Variants in AGBL4 observed in about 807,000 individuals in gnomAD.
The protein encoded by AGBL4 is AGBL carboxypeptidase 4, also known as cytosolic carboxypeptidase 6.
In AGBL4, 58 loss-of-function variants were observed where a neutral mutation model predicts 66.4. That is an observed-to-expected ratio of 0.87 (90% CI 0.71 to 1.09). The LOEUF (loss-of-function observed/expected upper bound fraction) is 1.09. Among genes scored for constraint, AGBL4 ranks in the 50% least tolerant of loss-of-function variants. AGBL4 has a pLI of 0.00. For synonymous variants in AGBL4, 234 were observed against 222.9 expected (o/e 1.05, Z -0.44); for missense variants, 579 against 631.0 (o/e 0.92, Z 0.88).
At chr1:49,361,233 A>C (rs879369889) in intron 3 of AGBL4, among the ~76,000 whole-genome samples, 16 of 152,204 alleles carry the variant, frequency 1.1e-4, no homozygotes, top group Non-Finnish European at 2.2e-4. Flanking sequence ...AAAAGCTTTT[A>C]ATTTTCAAAG....
intron 1 of AGBL4, chr1:49,996,142 T>C (rs923676075): frequency 2.6e-5 from 4 of 152,030 alleles, no homozygotes; most frequent in African/African-American, 7.2e-5. Context: ...TCTGGTAATA[T>C]GACAAAACAA....
At chr1:49,070,870 T>A (rs970936015) in intron 4 of AGBL4, among the ~76,000 whole-genome samples, 2 of 152,000 alleles carry the variant, frequency 1.3e-5, no homozygotes, top group Non-Finnish European at 2.9e-5. Flanking sequence ...AATCTGTCTG[T>A]CCTGGACTTT....
At chr1:49,684,172 T>G (rs767463215) in intron 3 of AGBL4, among the ~76,000 whole-genome samples, 3 of 152,132 alleles carry the variant, frequency 2.0e-5, no homozygotes, top group Non-Finnish European at 4.4e-5. Context: ...CTTTTCCTCT[T>G]GATTTTATTG....
chr1:49,197,942 G>A (rs1370194143), intron 4 of AGBL4, among the ~76,000 whole-genome samples: 1 of 152,278 alleles, frequency 6.6e-6, no homozygotes, highest in Non-Finnish European at 1.5e-5. Context: ...TGCTGCTGCT[G>A]CTAGGTCATA....
intron 3 of AGBL4, among the ~76,000 whole-genome samples, chr1:49,570,127 A>T (rs1190105783): frequency 1.3e-5 from 2 of 151,960 alleles, no homozygotes; most frequent in Non-Finnish European, 2.9e-5. Context: ...TGGTAGTTCT[A>T]TTTTTAGTTC....
intron 4 of AGBL4, among the ~76,000 whole-genome samples, chr1:49,056,405 A>G (rs530967611): frequency 6.6e-6 from 1 of 152,278 alleles, no homozygotes; most frequent in South Asian, 2.1e-4. Context: ...TAACATAGGG[A>G]CTTTTAAAAT....
At position 48,987,041 on chromosome 1, in the gene AGBL4, G is replaced by T. The variant is rs1660230746; in HGVS notation, c.594+58543C>A. On this transcript the variant is annotated intron_variant, in intron 5 of 13. Transcript: ENST00000371839. Reference sequence around the variant, plus strand: ...GCTAGTATCTAATAAACCAACAAAGGAAATAAAATGAAACCGTAAACATAT... The same window carrying T: ...GCTAGTATCTAATAAACCAACAAAGTAAATAAAATGAAACCGTAAACATAT... Among the ~76,000 whole-genome samples, 3 of 151,070 alleles carry T rather than the reference G, an allele frequency of 2.0e-5. No homozygotes were observed. The South Asian group carries it at 6.3e-4, about 32-fold the overall frequency.
chr1:49,590,175 G>A (rs554037864), intron 3 of AGBL4, among the ~76,000 whole-genome samples: 5 of 152,076 alleles, frequency 3.3e-5, no homozygotes, highest in South Asian at 2.1e-4. Context: ...TGATCAAGAC[G>A]TTGACTACAG....
At chr1:49,189,605 T>G (rs1012202581) in intron 4 of AGBL4, among the ~76,000 whole-genome samples, 1 of 152,168 alleles carries the variant, frequency 6.6e-6, no homozygotes, top group Admixed American at 6.5e-5. Context: ...TTTATCCTAT[T>G]TGGTCATCAG....
intron 3 of AGBL4, among the ~76,000 whole-genome samples, chr1:49,567,734 A>T (rs916708710): frequency 5.9e-5 from 9 of 152,150 alleles, no homozygotes; most frequent in Non-Finnish European, 1.2e-4. Flanking sequence ...TCATTCTATG[A>T]GGCCAGCATC....
At chr1:49,859,642 T>C (rs1469345468) in intron 1 of AGBL4, among the ~76,000 whole-genome samples, 1 of 152,128 alleles carries the variant, frequency 6.6e-6, no homozygotes, top group African/African-American at 2.4e-5. Context: ...ATGTATTTTT[T>C]AATATACTTA....
chr1:48,710,929 C>CAAAAAAAAAAAA (rs1557895437), intron 6 of AGBL4, among the ~76,000 whole-genome samples: 1 of 152,170 alleles, frequency 6.6e-6, no homozygotes, highest in African/African-American at 2.4e-5. Context: ...AGATCCAGCT[C>CAAAAAAAAAAAA]AGACATTACC....
chr1:49,207,459 TCTTTCTTTC>T (rs1175650437), intron 4 of AGBL4, among the ~76,000 whole-genome samples: 1 of 2,658 alleles, frequency 3.8e-4, no homozygotes, highest in Non-Finnish European at 1.3e-3. Context: ...TCTTTCTTTT[TCTTTCTTTC>T]TCTTTCTTTC....
intron 3 of AGBL4, among the ~76,000 whole-genome samples, chr1:49,399,928 GTCCTGGAGAGTTT>G (rs1645048428): frequency 6.6e-6 from 1 of 152,022 alleles, no homozygotes; most frequent in African/African-American, 2.4e-5. Flanking sequence ...CCAGTCCAAT[GTCCTGGAGAGTTT>G]ACCCGATTTT....
chr1:49,409,343 T>G (rs149400043), intron 3 of AGBL4, among the ~76,000 whole-genome samples: 27 of 152,242 alleles, frequency 1.8e-4, no homozygotes, highest in African/African-American at 5.3e-4. Flanking sequence ...AAGAAATTAA[T>G]CAGAAAGTGA....
chr1:49,976,925 C>A (rs1019394505), intron 1 of AGBL4, among the ~76,000 whole-genome samples: 1 of 152,172 alleles, frequency 6.6e-6, no homozygotes, highest in African/African-American at 2.4e-5. Context: ...TTAGAAGATA[C>A]ATTGTGATGA....
At chr1:49,950,039 T>C (rs1328670214) in intron 1 of AGBL4, among the ~76,000 whole-genome samples, 1 of 144,292 alleles carries the variant, frequency 6.9e-6, no homozygotes, top group African/African-American at 2.5e-5. Context: ...TGTGTATATA[T>C]ATACACATAT....
intron 3 of AGBL4, among the ~76,000 whole-genome samples, chr1:49,519,646 T>C (rs1277030625): frequency 1.3e-5 from 2 of 152,040 alleles, no homozygotes; most frequent in Non-Finnish European, 2.9e-5. Context: ...TTTTGAAAAC[T>C]GAGGCAAATA....
At chr1:49,338,658 C>T (rs1420293660) in intron 3 of AGBL4, among the ~76,000 whole-genome samples, 1 of 152,084 alleles carries the variant, frequency 6.6e-6, no homozygotes, top group Admixed American at 6.5e-5. Context: ...TTGTCTAAGA[C>T]AAGGATAAAA....
Sources: allele counts gnomAD v4.1 joint callset (sites outside exome capture counted in the v4.1 genomes callset), GRCh38; gene constraint gnomAD v4.1.1; transcripts MANE v1.5; gene names NCBI Gene and HGNC (gene_info 2026-07-23, HGNC 2026-07-21).